The following CDK12 variants were observed in gnomAD, a reference collection of about 807,000 sequenced individuals.
CDK12 encodes the protein cyclin-dependent kinase 12.
A neutral mutation model predicts 133.8 loss-of-function variants in CDK12; 17 were observed. That is an observed-to-expected ratio of 0.13 (90% CI 0.09 to 0.19). The LOEUF (loss-of-function observed/expected upper bound fraction) is 0.19. Ranked by LOEUF, CDK12 falls within the 10% of genes least tolerant of loss-of-function variation. CDK12 has a pLI of 1.00. For synonymous variants in CDK12, 694 were observed against 683.6 expected (o/e 1.02, Z -0.24); for missense variants, 1,508 against 1,818.7 (o/e 0.83, Z 3.11).
At chr17:39,480,038 C>T (rs983165310) in intron 2 of CDK12, among the ~76,000 whole-genome samples, 1 of 151,094 alleles carries the variant, frequency 6.6e-6, no homozygotes, top group Non-Finnish European at 1.5e-5. Flanking sequence ...ATTTTCCTGC[C>T]TCAGCTGCCT....
upstream of CDK12, chr17:39,544,173 G>A (rs1447677126): frequency 6.3e-6 from 3 of 474,622 alleles, no homozygotes; most frequent in East Asian, 1.6e-4. Flanking sequence ...TGCTTCCTGG[G>A]TGCAAGACCA....
At chr17:39,514,913 G>A (rs1033593989) in intron 8 of CDK12, among the ~76,000 whole-genome samples, 4 of 151,960 alleles carry the variant, frequency 2.6e-5, no homozygotes, top group African/African-American at 9.7e-5. Flanking sequence ...GCAAACCACT[G>A]TTCTGCATTC....
intron 2 of CDK12, among the ~76,000 whole-genome samples, chr17:39,483,863 A>C (rs2050917621): frequency 6.6e-6 from 1 of 150,402 alleles, no homozygotes; most frequent in Admixed American, 6.7e-5. Flanking sequence ...TTTTTGTTTG[A>C]GACAGGATCT....
intron 13 of CDK12, among the ~76,000 whole-genome samples, chr17:39,528,717 G>A (rs1447803342): frequency 6.6e-6 from 1 of 152,138 alleles, no homozygotes; most frequent in Admixed American, 6.5e-5. Context: ...AACATAATTA[G>A]GCTATTTACA....
intron 1 of CDK12, among the ~76,000 whole-genome samples, chr17:39,469,110 G>C (rs1336890858): frequency 1.3e-5 from 2 of 152,234 alleles, no homozygotes; most frequent in African/African-American, 4.8e-5. Flanking sequence ...ACAGGCGTGA[G>C]CCACAGCACC....
chr17:39,533,074 T>TAAA lies in CDK12; in HGVS notation c.*1768_*1770dup, dbSNP rs11407879. On this transcript the variant is annotated 3_prime_UTR_variant, in exon 14 of 14. Transcript: ENST00000447079. ...ACTTATAAGAGAAAGGTGCATTACT[T>TAAA]AAAAAAAAAAAACTTTAAAGAAATG... The TAAA allele has an allele frequency of 1.8e-4, 39 of 215,910 alleles. No individual in the cohort carries two copies. The highest frequency in any genetic ancestry group is 4.1e-4 in the East Asian group (6 of 14,630). 13.4% of individuals were successfully genotyped at this position (215,910 alleles called of 1,614,324 possible).
chr17:39,465,586 A>C (rs535528785), intron 1 of CDK12, among the ~76,000 whole-genome samples: 1 of 151,790 alleles, frequency 6.6e-6, no homozygotes, highest in Non-Finnish European at 1.5e-5. Flanking sequence ...TCTCGGGTTC[A>C]AGCTATTCTC....
chr17:39,495,335 C>T (rs2051995050), intron 5 of CDK12, among the ~76,000 whole-genome samples: 1 of 151,218 alleles, frequency 6.6e-6, no homozygotes, highest in African/African-American at 2.4e-5. Context: ...GCCTCGGCCC[C>T]TCGAAGTGCT....
rs913146405 is a variant in CDK12, at chr17:39,532,249, TAAAGG to T, written c.*942_*946del. ...GGATAATTCTTTACTTTTTTTGAAA[TAAAGG>T]AAAGGAAATTCAGACTCTTACATTG... On this transcript the variant is annotated 3_prime_UTR_variant, in exon 14 of 14. Coordinates refer to ENST00000447079, the MANE Select transcript of CDK12 (RefSeq NM_016507.4). 4.3e-6 allele frequency: 1 copy of T among 233,116 alleles called. No individual in the cohort carries two copies. Among genetic ancestry groups the T allele is most frequent in the African/African-American group, 2.2e-5 (1 of 45,278 alleles). 14.4% of individuals were successfully genotyped at this position (233,116 alleles called of 1,614,324 possible).
chr17:39,465,469 G>T (rs1209497141), intron 1 of CDK12, among the ~76,000 whole-genome samples: 1 of 151,082 alleles, frequency 6.6e-6, no homozygotes, highest in Non-Finnish European at 1.5e-5. Context: ...CTTAAGTGTA[G>T]CATTTGTAAA....
At chr17:39,465,401 CTTTT>C (rs55869013) in intron 1 of CDK12, among the ~76,000 whole-genome samples, 2 of 147,584 alleles carry the variant, frequency 1.4e-5, no homozygotes, top group Admixed American at 6.8e-5. Context: ...CTGGATTACC[CTTTT>C]TTTTTTTTTG....
At chr17:39,556,091 C>T (rs1597715436) in intron 2 of CDK12, among the ~76,000 whole-genome samples, 1 of 151,590 alleles carries the variant, frequency 6.6e-6, no homozygotes. Context: ...TAATCCTCTA[C>T]TTTCTCAAAC....
Position 39,519,518 on chromosome 17 carries a change from C to T in CDK12, c.2964-438C>T, listed in dbSNP as rs996648745. 5.3e-5 allele frequency among the ~76,000 whole-genome samples: 8 copies of T among 151,402 alleles called. No homozygotes were observed. In the East Asian group the frequency reaches 7.8e-4, roughly 15 times the overall value. Reference sequence around the variant, plus strand: ...CTGGTCCTGAACTCCTGGCCTCAAACGATCCACCCGCTTCAGCCTCCCAAA... The same window carrying T: ...CTGGTCCTGAACTCCTGGCCTCAAATGATCCACCCGCTTCAGCCTCCCAAA... On this transcript the variant is annotated intron_variant, in intron 10 of 13. Coordinates refer to ENST00000447079, the MANE Select transcript of CDK12 (RefSeq NM_016507.4).
chr17:39,554,606 C>T (rs150951029), intron 2 of CDK12, among the ~76,000 whole-genome samples: 167 of 152,218 alleles, frequency 1.1e-3, no homozygotes, highest in African/African-American at 3.8e-3. Context: ...GATAGCCGGG[C>T]ACGGCAAATC....
At chr17:39,558,940 G>A (rs1035190833) in intron 3 of CDK12, among the ~76,000 whole-genome samples, 4 of 152,068 alleles carry the variant, frequency 2.6e-5, no homozygotes, top group South Asian at 2.1e-4. Context: ...CACTGCGCCC[G>A]GCCTTCATGC....
chr17:39,542,116 A>G (rs2055448047), intron 1 of CDK12, among the ~76,000 whole-genome samples: 1 of 152,140 alleles, frequency 6.6e-6, no homozygotes, highest in Admixed American at 6.6e-5. Context: ...TGAGGGGGAA[A>G]GGTAGATCTA....
At chr17:39,499,619 C>T (rs2052570343) in intron 5 of CDK12, among the ~76,000 whole-genome samples, 1 of 151,716 alleles carries the variant, frequency 6.6e-6, no homozygotes, top group South Asian at 2.1e-4. Context: ...AAGCGATTCT[C>T]CTGCCTCAGC....
chr17:39,524,106 C>T (rs1039878439), intron 11 of CDK12, among the ~76,000 whole-genome samples: 11 of 152,174 alleles, frequency 7.2e-5, no homozygotes, highest in African/African-American at 2.4e-4. Context: ...CTAAGTTATA[C>T]GTAGTGCTGA....
chr17:39,476,711 C>CCTTTTTTTTTTTTTTTT (rs1555553398), intron 2 of CDK12, among the ~76,000 whole-genome samples: 1 of 84,516 alleles, frequency 1.2e-5, no homozygotes, highest in Non-Finnish European at 2.1e-5. Flanking sequence ...CCATGCCTGC[C>CCTTTTTTTTTTTTTTTT]TTTTTTTTTT....
Sources: allele counts gnomAD v4.1 joint callset (sites outside exome capture counted in the v4.1 genomes callset), GRCh38; gene constraint gnomAD v4.1.1; transcripts MANE v1.5; gene names NCBI Gene and HGNC (gene_info 2026-07-23, HGNC 2026-07-21).